The following KCP variants were observed in gnomAD, a reference collection of about 807,000 sequenced individuals.
KCP encodes kielin cysteine rich BMP regulator.
A neutral mutation model predicts 212.7 loss-of-function variants in KCP; 194 were observed. The ratio of observed to expected loss-of-function variants is 0.91; its 90% CI spans 0.81 to 1.03. The LOEUF (loss-of-function observed/expected upper bound fraction) is 1.03, where lower values mean the gene tolerates loss of function less well. Ranked by LOEUF, KCP falls within the 50% of genes least tolerant of loss-of-function variation. KCP has a pLI of 0.00. For missense variants in KCP, 2,080 were observed against 2,162.5 expected, an observed-to-expected ratio of 0.96 and a Z score of 0.76; for synonymous variants, 833 against 865.3, an observed-to-expected ratio of 0.96 and a Z score of 0.65.
intron 20 of KCP, 149 bp downstream of exon 20, chr7:128,890,756 C>T (rs2128947165): frequency 1.2e-6 from 1 of 847,588 alleles, no homozygotes; most frequent in Non-Finnish European, 1.8e-6. Flanking sequence ...CGGCTGGCTC[C>T]CAGGCCATGC....
In KCP at chr7:128,887,272, G is replaced by T. The variant is rs1793713683; in HGVS notation, c.2541C>A (p.Ala847=). The change falls in exon 23 of 40, where the codon GCC becomes GCA. Residue 847 remains alanine (A), a synonymous_variant. Transcript: ENST00000610776. ...GTGGGTCAGGAAGGGTCTCTCCGGA[G>T]GCAGTAGTGACGCCATGGTAGCGGC... The part of the protein sequence containing the change: ...QGCRYHGVTT[A]SGETLPDPLD... The T allele has an allele frequency of 6.4e-7, 1 of 1,551,302 alleles. No individual in the cohort carries two copies. The highest frequency in any genetic ancestry group is 8.7e-7 in the Non-Finnish European group (1 of 1,146,850).
chr7:128,888,267 C>T (rs868095647), intron 22 of KCP, among the ~76,000 whole-genome samples: 4 of 151,404 alleles, frequency 2.6e-5, no homozygotes, highest in African/African-American at 9.7e-5. Context: ...CGTACACAGA[C>T]ACACATACAC....
intron 34 of KCP, 109 bp downstream of exon 34, chr7:128,880,277 G>A: frequency 7.2e-7 from 1 of 1,385,504 alleles, no homozygotes; most frequent in Admixed American, 2.6e-5. Flanking sequence ...CCAGCTCCCA[G>A]CTGGCGGCAG....
chr7:128,902,967 G>T, intron 7 of KCP, 108 bp from the exon 8 acceptor site: 4 of 807,174 alleles, frequency 5.0e-6, no homozygotes, highest in Non-Finnish European at 6.2e-6. Flanking sequence ...GCTCTCTCCC[G>T]AGCCAAGACT....
At position 128,906,428 on chromosome 7, in the gene KCP, T is replaced by C. The variant is rs113324555; in HGVS notation, c.487-65A>G. Reference sequence around the variant, plus strand: ...TCCTGGAGGGCAGGGCCTCTGGAAGTAAAACCTCAGCCCAGGCTGGGACAT... The same window carrying C: ...TCCTGGAGGGCAGGGCCTCTGGAAGCAAAACCTCAGCCCAGGCTGGGACAT... On this transcript the variant is annotated intron_variant, in intron 4 of 39. Coordinates refer to ENST00000610776, the MANE Select transcript of KCP (RefSeq NM_001366122.1). 4.8e-3 allele frequency: 5,676 copies of C among 1,171,344 alleles called. 19 individuals are homozygous for C. The highest frequency in any genetic ancestry group is 6.0e-3 in the Non-Finnish European group (4,809 of 802,136). 72.6% of individuals were successfully genotyped at this position (1,171,344 alleles called of 1,614,324 possible).
chr7:128,895,769 G>A (rs144527860), intron 8 of KCP, among the ~76,000 whole-genome samples: 1 of 152,190 alleles, frequency 6.6e-6, no homozygotes, highest in African/African-American at 2.4e-5. Context: ...TCAGTGCCAA[G>A]ACAGTTTACA....
rs1334106285 is a variant in KCP, at chr7:128,910,634, G to A, written c.43C>T (p.Leu15Phe). The part of the protein sequence containing the change: ...GAAALSLLLH[L>F]GALALAAGAE... Reference sequence around the variant, plus strand: ...CCCGCGGCCAGCGCCAGGGCCCCGAGGTGCAGGAGAAGGGACAGCGCAGCG... The same window carrying A: ...CCCGCGGCCAGCGCCAGGGCCCCGAAGTGCAGGAGAAGGGACAGCGCAGCG... The change falls in exon 1 of 40, where the codon CTC becomes TTC. Residue 15 changes from leucine to phenylalanine, a missense_variant. Physicochemically the swap from Leu to Phe is conservative, Grantham distance 22. Coordinates refer to ENST00000610776, the MANE Select transcript of KCP (RefSeq NM_001366122.1). 8 of 1,517,860 alleles carry A rather than the reference G, an allele frequency of 5.3e-6. No individual in the cohort carries two copies. The highest frequency in any genetic ancestry group is 2.8e-5 in the African/African-American group (2 of 70,258). The allele number at this position is 1,517,860 out of a possible 1,614,324, so 94.0% of individuals were successfully genotyped here.
At chr7:128,895,113 G>A (rs1319498434) in intron 8 of KCP, among the ~76,000 whole-genome samples, 1 of 152,090 alleles carries the variant, frequency 6.6e-6, no homozygotes, top group Non-Finnish European at 1.5e-5. Flanking sequence ...CACACTTCTG[G>A]CCTCCAGAAC....
At chr7:128,902,693 G>T (rs17165895) in intron 8 of KCP, 84 bp downstream of exon 8, 1 of 1,274,456 alleles carries the variant, frequency 7.8e-7, no homozygotes, top group Non-Finnish European at 1.1e-6. Context: ...ACACCTCTGC[G>T]AAGTACTCCA....
chr7:128,880,937 A>T (rs1793292608), intron 32 of KCP, 60 bp downstream of exon 32: 1 of 398,912 alleles, frequency 2.5e-6, no homozygotes, highest in Non-Finnish European at 4.4e-6. Context: ...GGAGTGTTGG[A>T]CACTCCTCCC....
chr7:128,888,034 TACAC>T (rs567635972), intron 22 of KCP, among the ~76,000 whole-genome samples: 6,352 of 91,778 alleles, frequency 0.069, 144 homozygotes, highest in Middle Eastern at 0.14. Context: ...CACACACACA[TACAC>T]ACACACACAC....
chr7:128,893,252 C>A lies in KCP; in HGVS notation c.1253G>T (p.Arg418Leu), dbSNP rs746031845. Residue 418 changes from arginine to leucine, a missense_variant, in exon 13 of 40, where the codon CGC (arginine) becomes CTC (leucine). Arg to Leu is a moderately radical substitution (Grantham distance 102). Coordinates refer to ENST00000610776, the MANE Select transcript of KCP (RefSeq NM_001366122.1). ...VTPCALPASG[R>L]QLCPACELDG... Reference sequence around the variant, plus strand: ...CTCACACACACCTGGGCAGAGCTGGCGGCCAGAGGCAGGCAGGGCACAGGG... The same window carrying A: ...CTCACACACACCTGGGCAGAGCTGGAGGCCAGAGGCAGGCAGGGCACAGGG... The A allele has an allele frequency of 6.4e-7, 1 of 1,551,256 alleles. No individual in the cohort carries two copies. Among genetic ancestry groups the A allele is most frequent in the Non-Finnish European group, 8.7e-7 (1 of 1,146,910 alleles).
intron 8 of KCP, among the ~76,000 whole-genome samples, chr7:128,896,951 T>G (rs1452094852): frequency 1.3e-5 from 2 of 152,010 alleles, no homozygotes; most frequent in African/African-American, 4.8e-5. Flanking sequence ...ATCCAAACTT[T>G]TGAGCAATAG....
intron 16 of KCP, 149 bp downstream of exon 16, chr7:128,892,365 C>T (rs566714784): frequency 1.1e-5 from 7 of 618,006 alleles, no homozygotes; most frequent in Admixed American, 3.1e-5. Context: ...ACCCACACCC[C>T]GTGAGTTCCA....
At chr7:128,893,084 G>C in intron 13 of KCP, 63 bp from the exon 14 acceptor site, 1 of 931,682 alleles carries the variant, frequency 1.1e-6, no homozygotes, top group Non-Finnish European at 1.7e-6. Flanking sequence ...GTCCTTCCCA[G>C]GACACAGGGA....
At position 128,877,814 on chromosome 7, in the gene KCP, C is replaced by T. The variant is rs116177150; in HGVS notation, c.4312-24G>A. ...ACCTGGGTGGGGAGAGCAGCCCTGA[C>T]GTGACAGCACCACTGGCAGCTGGCC... On this transcript the variant is annotated intron_variant, in intron 38 of 39. Coordinates refer to ENST00000610776, the MANE Select transcript of KCP (RefSeq NM_001366122.1). 2.7e-4 allele frequency: 405 copies of T among 1,527,288 alleles called. 1 individual carries two copies. The African/African-American group carries it at 4.7e-3, about 18-fold the overall frequency. 94.6% of individuals were successfully genotyped at this position (1,527,288 alleles called of 1,614,324 possible).
rs546987285 is a variant in KCP at position 128,885,323 on chromosome 7, GCTC to G, written c.2867-56_2867-54del. Reference sequence around the variant, plus strand: ...CTCGGAGGTTGAGATCTGGACATCTGCTCCTGGCCCCCACCCTCAGTGGTCAGC... The same window carrying G: ...CTCGGAGGTTGAGATCTGGACATCTGCTGGCCCCCACCCTCAGTGGTCAGC... On this transcript the variant is annotated intron_variant, in intron 26 of 39. Transcript: ENST00000610776. 1.4e-3 allele frequency: 2,049 copies of G among 1,490,512 alleles called. 3 individuals are homozygous for G. The highest frequency in any genetic ancestry group is 1.7e-3 in the Non-Finnish European group (1,892 of 1,108,944). 92.3% of individuals were successfully genotyped at this position (1,490,512 alleles called of 1,614,324 possible). A position where few individuals can be genotyped will look rare whatever the true frequency, so the allele number is the denominator to read the frequency against.
chr7:128,877,333 G>A, intron 39 of KCP, 22 bp from the exon 40 acceptor site: 1 of 1,526,310 alleles, frequency 6.6e-7, no homozygotes, highest in Non-Finnish European at 8.8e-7. Context: ...GTGGGAGGCG[G>A]GGTTACCAAG....
intron 7 of KCP, chr7:128,903,142 C>T: frequency 2.0e-6 from 1 of 499,672 alleles, no homozygotes; most frequent in Non-Finnish European, 3.6e-6. Context: ...TCACACCTTC[C>T]CAGCCAACAT....
Sources: gnomAD v4.1 joint callset for allele counts (sites outside exome capture counted in the v4.1 genomes callset) on GRCh38, gnomAD v4.1.1 for gene constraint, MANE v1.5 for transcripts, NCBI Gene and HGNC (gene_info 2026-07-23, HGNC 2026-07-21) for gene names.